Variants in TMEM178B observed in about 807,000 individuals in gnomAD.
TMEM178B encodes transmembrane protein 178B.
A neutral mutation model predicts 31.0 loss-of-function variants in TMEM178B; 5 were observed. The observed-to-expected ratio is 0.16, with a 90% CI of 0.08 to 0.34. TMEM178B has a LOEUF of 0.34. Among genes scored for constraint, TMEM178B ranks in the 10% least tolerant of loss-of-function variants. The pLI is 1.00. For synonymous variants in TMEM178B, 164 were observed against 164.0 expected (o/e 1.00, Z 0.00); for missense variants, 275 against 400.3 (o/e 0.69, Z 2.67).
chr7:141,347,899 C>T (rs1248554718), intron 2 of TMEM178B, among the ~76,000 whole-genome samples: 1 of 152,204 alleles, frequency 6.6e-6, no homozygotes, highest in African/African-American at 2.4e-5. Flanking sequence ...ACAATCTTGC[C>T]TTATCACAGT....
intron 3 of TMEM178B, among the ~76,000 whole-genome samples, chr7:141,465,561 C>T (rs6945508): frequency 0.036 from 5,438 of 152,262 alleles, 301 homozygotes; most frequent in African/African-American, 0.12. Flanking sequence ...CAAAGCATAT[C>T]ATTACGTAAA....
intron 2 of TMEM178B, among the ~76,000 whole-genome samples, chr7:141,335,542 G>A (rs1799369835): frequency 6.6e-6 from 1 of 152,132 alleles, no homozygotes; most frequent in South Asian, 2.1e-4. Flanking sequence ...CAGCTGAGAG[G>A]ACCACCCAAA....
intron 2 of TMEM178B, among the ~76,000 whole-genome samples, chr7:141,421,310 T>C (rs780770143): frequency 3.3e-5 from 5 of 152,238 alleles, no homozygotes; most frequent in Non-Finnish European, 7.3e-5. Context: ...TTCCACTTTG[T>C]AAAGACTGGT....
At chr7:141,307,460 A>G (rs1798833805) in intron 2 of TMEM178B, among the ~76,000 whole-genome samples, 1 of 152,188 alleles carries the variant, frequency 6.6e-6, no homozygotes. Flanking sequence ...GGTCCCCTAC[A>G]TGCTTTCCTC....
At chr7:141,348,544 T>A (rs1044222617) in intron 2 of TMEM178B, among the ~76,000 whole-genome samples, 1 of 152,174 alleles carries the variant, frequency 6.6e-6, no homozygotes, top group Non-Finnish European at 1.5e-5. Flanking sequence ...AGTCTGAAAT[T>A]AGTTAATCTA....
intron 2 of TMEM178B, among the ~76,000 whole-genome samples, chr7:141,418,784 T>C (rs1387042031): frequency 1.3e-5 from 2 of 152,384 alleles, no homozygotes; most frequent in African/African-American, 2.4e-5. Flanking sequence ...TGCTCCCCTA[T>C]GTGCTAGACT....
chr7:141,197,837 T>C (rs189747110), intron 1 of TMEM178B, among the ~76,000 whole-genome samples: 9 of 152,300 alleles, frequency 5.9e-5, no homozygotes, highest in African/African-American at 2.2e-4. Flanking sequence ...TTCACCATGA[T>C]GGCCAAGCTG....
At chr7:141,081,197 G>A (rs1377182773) in intron 1 of TMEM178B, among the ~76,000 whole-genome samples, 1 of 152,142 alleles carries the variant, frequency 6.6e-6, no homozygotes, top group East Asian at 1.9e-4. Flanking sequence ...AAATGTGGAG[G>A]TGGAAGACAG....
intron 1 of TMEM178B, among the ~76,000 whole-genome samples, chr7:141,095,163 A>G (rs1252789290): frequency 6.6e-6 from 1 of 152,176 alleles, no homozygotes; most frequent in Non-Finnish European, 1.5e-5. Context: ...TGGGGTTTGT[A>G]AGGACTCAAA....
intron 1 of TMEM178B, among the ~76,000 whole-genome samples, chr7:141,139,494 G>A (rs1194089756): frequency 6.6e-6 from 1 of 151,986 alleles, no homozygotes; most frequent in Non-Finnish European, 1.5e-5. Context: ...GGGACTACAG[G>A]GACATGCCAC....
chr7:141,459,006 TG>T (rs879445792), intron 3 of TMEM178B, among the ~76,000 whole-genome samples: 27 of 151,846 alleles, frequency 1.8e-4, no homozygotes, highest in Admixed American at 3.9e-4. Flanking sequence ...TAGATTTCAA[TG>T]TTTTTTTGGT....
rs577329077 is a variant in TMEM178B, at chr7:141,171,553, C to T, written c.383-41038C>T. ...CTGGGCTGTGGGTTGGCCAGACTCA[C>T]GCCTATTATTTATTCTGAAGTGGGG... On this transcript the variant is annotated intron_variant, in intron 1 of 3. Transcript: ENST00000565468. This position sits in a 1 kb window ranked among gnomAD's most constrained non-coding sequence, Gnocchi z 4.3. Among the ~76,000 whole-genome samples the T allele has an allele frequency of 1.4e-4, 22 of 152,224 alleles. No individual in the cohort carries two copies. The highest frequency in any genetic ancestry group is 5.8e-4 in the East Asian group (3 of 5,180).
chr7:141,317,008 C>A (rs1322138132), intron 2 of TMEM178B, among the ~76,000 whole-genome samples: 3 of 152,174 alleles, frequency 2.0e-5, no homozygotes, highest in Admixed American at 6.5e-5. Context: ...TGCTGGATAT[C>A]CTTGTTCAAC....
chr7:141,486,212 C>T, the TMEM178B span, among the ~76,000 whole-genome samples: 2 of 151,870 alleles, frequency 1.3e-5, no homozygotes, highest in Admixed American at 1.3e-4. Context: ...TACACATGGA[C>T]ATAGAATGCA....
chr7:141,457,154 T>C (rs1303530387), intron 3 of TMEM178B, among the ~76,000 whole-genome samples: 1 of 152,134 alleles, frequency 6.6e-6, no homozygotes, highest in East Asian at 1.9e-4. Flanking sequence ...CCCTGGAGGA[T>C]TGTTTTTTTA....
rs572895846 is a variant in TMEM178B, at chr7:141,422,450, C to T, written c.497-15158C>T. Among the ~76,000 whole-genome samples, 2 of 152,320 alleles carry T rather than the reference C, an allele frequency of 1.3e-5. No homozygotes were observed. Among genetic ancestry groups the T allele is most frequent in the South Asian group, 2.1e-4 (1 of 4,824 alleles). ...TGGAGACTCTTCTTGTTGGTGTGAT[C>T]GTACGCTAATGGGCAAAGCTGTAGG... On this transcript the variant is annotated intron_variant, in intron 2 of 3. Coordinates refer to ENST00000565468, the MANE Select transcript of TMEM178B (RefSeq NM_001195278.2). This position sits in a 1 kb window ranked among gnomAD's most constrained non-coding sequence, Gnocchi z 4.2.
intron 2 of TMEM178B, among the ~76,000 whole-genome samples, chr7:141,379,304 T>TAA (rs571004013): frequency 0.035 from 4,539 of 128,470 alleles, 222 homozygotes; most frequent in African/African-American, 0.12. Flanking sequence ...CCTGTTTTTC[T>TAA]AAAAAAAAAA....
chr7:141,190,311 A>G (rs1796676475), intron 1 of TMEM178B, among the ~76,000 whole-genome samples: 1 of 151,920 alleles, frequency 6.6e-6, no homozygotes, highest in African/African-American at 2.4e-5. Flanking sequence ...ATCTCGTGTA[A>G]CTTTTGTTTT....
At chr7:141,247,949 C>T (rs2116331166) in intron 2 of TMEM178B, among the ~76,000 whole-genome samples, 1 of 152,192 alleles carries the variant, frequency 6.6e-6, no homozygotes, top group Non-Finnish European at 1.5e-5. Flanking sequence ...TTGTGTCTGG[C>T]ACCCCTCCAG....
Sources: gnomAD v4.1 joint callset for allele counts (sites outside exome capture counted in the v4.1 genomes callset) on GRCh38, gnomAD v4.1.1 for gene constraint, Gnocchi (gnomAD v3.1) non-coding constraint, MANE v1.5 for transcripts, NCBI Gene and HGNC (gene_info 2026-07-23, HGNC 2026-07-21) for gene names.